Variants in JADE1 observed in about 807,000 individuals in gnomAD.
The protein encoded by JADE1 is jade family PHD finger 1, also known as protein Jade-1.
Under a neutral mutation model 81.8 loss-of-function variants are expected in JADE1, and 14 were observed. That is an observed-to-expected ratio of 0.17 (90% CI 0.11 to 0.27). The LOEUF is 0.27. JADE1 is among the 10% of genes least tolerant of loss of function. The pLI, the probability that JADE1 is intolerant of heterozygous loss-of-function variation, is 1.00. For missense variants in JADE1, 690 were observed against 1,047.9 expected (o/e 0.66, Z 4.71); for synonymous variants, 353 against 391.9 (o/e 0.90, Z 1.17).
intron 1 of JADE1, among the ~76,000 whole-genome samples, chr4:128,824,497 C>G (rs960619303): frequency 8.5e-5 from 13 of 152,100 alleles, no homozygotes; most frequent in Admixed American, 7.2e-4. Context: ...TCTGAAAATA[C>G]ATTCTTTAGT....
At chr4:128,831,274 C>T (rs73846998) in intron 1 of JADE1, among the ~76,000 whole-genome samples, 2,101 of 152,258 alleles carry the variant, frequency 0.014, 47 homozygotes, top group African/African-American at 0.047. Flanking sequence ...GCCTGAGAAG[C>T]ATAATCATGC....
intron 9 of JADE1, chr4:128,863,205 G>A: frequency 1.0e-6 from 1 of 985,528 alleles, no homozygotes; most frequent in Non-Finnish European, 1.2e-6. Flanking sequence ...ATGAGGCGTG[G>A]GCTGCCTCCC....
rs1219221505 is a variant in JADE1, at chr4:128,843,024, C to G, written c.124C>G (p.Arg42Gly). 1.2e-6 allele frequency: 2 copies of G among 1,613,710 alleles called. No homozygotes were observed. The highest frequency in any genetic ancestry group is 8.5e-7 in the Non-Finnish European group (1 of 1,179,682). Residue 42 changes from arginine (R) to glycine (G), a missense_variant, in exon 3 of 11, where the codon CGA (arginine) becomes GGA (glycine). This residue lies in a region of JADE1 where 59 missense variants were observed against 52.8 expected (regional missense o/e 1.12). Transcript: ENST00000226319. The stretch of plus-strand genomic sequence containing the variant: ...AAGCTCCTGCTCCAGACATGAAGAT[C>G]GAAAGCCTTCAGAGGTACTTCTTGA... ...RRSSCSRHED[R>G]KPSEVFRTDL...
At chr4:128,849,759 T>C (rs1051535966) in intron 5 of JADE1, among the ~76,000 whole-genome samples, 2 of 152,182 alleles carry the variant, frequency 1.3e-5, no homozygotes, top group Non-Finnish European at 2.9e-5. Context: ...GCAAGCTCAT[T>C]TTAGCGTATG....
At chr4:128,830,681 G>C (rs757345642) in intron 1 of JADE1, among the ~76,000 whole-genome samples, 13 of 152,168 alleles carry the variant, frequency 8.5e-5, no homozygotes, top group Non-Finnish European at 1.8e-4. Context: ...TTCATTTTTA[G>C]GATTCATTGA....
At chr4:128,817,380 A>G (rs1014186431) in intron 1 of JADE1, among the ~76,000 whole-genome samples, 2 of 152,142 alleles carry the variant, frequency 1.3e-5, no homozygotes, top group South Asian at 4.1e-4. Context: ...TCTCCTGTGC[A>G]GGAGATTTTA....
At chr4:128,864,020 TTAAG>T (rs1731588907) in intron 9 of JADE1, 2 of 985,414 alleles carry the variant, frequency 2.0e-6, no homozygotes, top group East Asian at 1.1e-4. Context: ...CTGTCGCTGT[TTAAG>T]TAGAACAATG....
intron 1 of JADE1, among the ~76,000 whole-genome samples, chr4:128,815,624 A>G (rs1242951178): frequency 6.6e-6 from 1 of 152,220 alleles, no homozygotes; most frequent in Non-Finnish European, 1.5e-5. Context: ...TGGAACAGTA[A>G]ACATCAAGAT....
intron 3 of JADE1, among the ~76,000 whole-genome samples, chr4:128,844,382 TATATGTATGGC>T (rs1205688223): frequency 3.9e-5 from 6 of 152,184 alleles, no homozygotes; most frequent in African/African-American, 1.4e-4. Context: ...GAGTCCAAAC[TATATGTATGGC>T]ACTAACATAC....
intron 6 of JADE1, among the ~76,000 whole-genome samples, chr4:128,852,512 T>C (rs1730439694): frequency 6.6e-6 from 1 of 152,234 alleles, no homozygotes; most frequent in Non-Finnish European, 1.5e-5. Flanking sequence ...TCACAGTGTT[T>C]TATTCTTATC....
chr4:128,840,440 C>A (rs1352039441), intron 2 of JADE1, among the ~76,000 whole-genome samples: 1 of 152,164 alleles, frequency 6.6e-6, no homozygotes, highest in Non-Finnish European at 1.5e-5. Context: ...ATAACCTTTT[C>A]CATAGTAATT....
intron 1 of JADE1, 71 bp from the exon 2 acceptor site, chr4:128,831,662 T>C: frequency 7.6e-7 from 1 of 1,322,284 alleles, no homozygotes; most frequent in Non-Finnish European, 1.1e-6. Context: ...AATCCTGGGC[T>C]GCCATCTGAA....
In JADE1 at chr4:128,846,903, T is replaced by C. The variant is rs1403315100; in HGVS notation, c.296+371T>C. On this transcript the variant is annotated intron_variant, in intron 4 of 10. Coordinates refer to ENST00000226319, the MANE Select transcript of JADE1 (RefSeq NM_199320.4). This position sits in a 1 kb window ranked among gnomAD's most constrained non-coding sequence, Gnocchi z 4.0. ...CTCCGTATTCGCTCTGGAGAGTGGC[T>C]CTCCTGGAGAGAAGCATCTGGCTTT... is the stretch of plus-strand genomic sequence containing the variant. Among the ~76,000 whole-genome samples, 1 of 152,104 alleles carries C rather than the reference T, an allele frequency of 6.6e-6. No individual in the cohort carries two copies. The highest frequency in any genetic ancestry group is 2.4e-5 in the African/African-American group (1 of 41,394).
At chr4:128,866,447 C>T (rs1215733746) in intron 9 of JADE1, among the ~76,000 whole-genome samples, 1 of 152,258 alleles carries the variant, frequency 6.6e-6, no homozygotes, top group Non-Finnish European at 1.5e-5. Context: ...TGTTCTGTCT[C>T]TCTTAATGCT....
Position 128,853,905 on chromosome 4 carries a change from G to A in JADE1, c.696+1637G>A, listed in dbSNP as rs566889510. Among the ~76,000 whole-genome samples the A allele has an allele frequency of 9.9e-5, 15 of 152,272 alleles. No individual in the cohort carries two copies. The South Asian group carries it at 2.9e-3, about 29-fold the overall frequency. Reference sequence around the variant, plus strand: ...TGCGACTCCTGCTTCAGTCATCGCCGTCTGTTGCTCTGGATCTCACACTGT... The same window carrying A: ...TGCGACTCCTGCTTCAGTCATCGCCATCTGTTGCTCTGGATCTCACACTGT... On this transcript the variant is annotated intron_variant, in intron 6 of 10. Coordinates refer to ENST00000226319, the MANE Select transcript of JADE1 (RefSeq NM_199320.4).
At chr4:128,830,795 G>A (rs980528921) in intron 1 of JADE1, among the ~76,000 whole-genome samples, 2 of 152,142 alleles carry the variant, frequency 1.3e-5, no homozygotes, top group Admixed American at 6.5e-5. Context: ...ATATAACCGC[G>A]AGACCATCTG....
intron 1 of JADE1, among the ~76,000 whole-genome samples, chr4:128,814,710 C>T (rs1005755601): frequency 9.9e-5 from 15 of 151,778 alleles, no homozygotes; most frequent in Non-Finnish European, 2.1e-4. Context: ...TACAGGCTCC[C>T]GCCACCACGC....
Position 128,839,382 on chromosome 4 carries a change from AT to A in JADE1, c.53-3564del, listed in dbSNP as rs569602597. On this transcript the variant is annotated intron_variant, in intron 2 of 10. Transcript: ENST00000226319. ...GACCACTTGTGTAAAGTAAAATAGAATTTTTTTCCCCTTACTGTTAGTGGAT... is the reference window on the plus strand; with the variant it reads ...GACCACTTGTGTAAAGTAAAATAGAATTTTTTCCCCTTACTGTTAGTGGAT... Among the ~76,000 whole-genome samples, 149 of 152,276 alleles carry A rather than the reference AT, an allele frequency of 9.8e-4. 1 individual carries two copies. The highest frequency in any genetic ancestry group is 3.5e-3 in the African/African-American group (144 of 41,560).
At position 128,873,895 on chromosome 4, in the gene JADE1, T is replaced by C. The variant is rs1460668728; in HGVS notation, c.*1633T>C. 1 of 152,698 alleles carries C rather than the reference T, an allele frequency of 6.5e-6. No individual in the cohort carries two copies. Among genetic ancestry groups the C allele is most frequent in the Non-Finnish European group, 1.5e-5 (1 of 68,048 alleles). 9.5% of individuals were successfully genotyped at this position (152,698 alleles called of 1,614,324 possible). A position where few individuals can be genotyped will look rare whatever the true frequency, so the allele number is the denominator to read the frequency against. ...AGGCTTATTGAATCCCATCTTGCTA[T>C]GCAAGTTTTATCAGATGATCAAATA... On this transcript the variant is annotated 3_prime_UTR_variant, in exon 11 of 11. Transcript: ENST00000226319.
Sources: gnomAD v4.1 joint callset for allele counts (sites outside exome capture counted in the v4.1 genomes callset) on GRCh38, gnomAD v4.1.1 for gene constraint, gnomAD v4.1.1 regional missense constraint, Gnocchi (gnomAD v3.1) non-coding constraint, MANE v1.5 for transcripts, NCBI Gene and HGNC (gene_info 2026-07-23, HGNC 2026-07-21) for gene names.